Variants in RARB observed in about 807,000 individuals in gnomAD.
RARB encodes the protein retinoic acid receptor beta.
In RARB, 17 loss-of-function variants were observed where a neutral mutation model predicts 51.9. That is an observed-to-expected ratio of 0.33 (90% CI 0.22 to 0.49). The LOEUF (loss-of-function observed/expected upper bound fraction) is 0.49, where lower values mean the gene tolerates loss of function less well. RARB is among the 20% of genes least tolerant of loss of function. The pLI, the probability that RARB is intolerant of heterozygous loss-of-function variation, is 0.99. For synonymous variants in RARB, 215 were observed against 195.4 expected (o/e 1.10, Z -0.84); for missense variants, 369 against 550.8 (o/e 0.67, Z 3.30).
chr3:25,196,646 A>G (rs147461756), intron 5 of RARB, among the ~76,000 whole-genome samples: 4 of 152,214 alleles, frequency 2.6e-5, no homozygotes, highest in East Asian at 1.9e-4. Flanking sequence ...GAATCGCCAC[A>G]CTGTCTTCCA....
At chr3:25,201,364 T>C (rs1294111079) in intron 5 of RARB, among the ~76,000 whole-genome samples, 5 of 152,222 alleles carry the variant, frequency 3.3e-5, no homozygotes, top group Non-Finnish European at 7.3e-5. Context: ...TATACAATCA[T>C]GTCATCTGCA....
chr3:25,124,801 G>A (rs1311282110), intron 3 of RARB, among the ~76,000 whole-genome samples: 3 of 152,130 alleles, frequency 2.0e-5, no homozygotes, highest in Admixed American at 6.6e-5. Flanking sequence ...CATGTTTGTT[G>A]TCAGCCTAGC....
chr3:25,257,263 G>A lies in RARB; in HGVS notation c.178+82688G>A, dbSNP rs1243484176. On this transcript the variant is annotated intron_variant, in intron 5 of 11. Coordinates refer to the RARB transcript ENST00000383772. ...ACTTGGAGGAGTGTGCTCCATTCCG[G>A]GTACCACATCTTAAGGGGCATGTTG... is the stretch of plus-strand genomic sequence containing the variant. 2.0e-5 allele frequency among the ~76,000 whole-genome samples: 3 copies of A among 152,012 alleles called. No individual in the cohort carries two copies. The South Asian group carries it at 6.2e-4, about 32-fold the overall frequency.
At chr3:24,909,118 G>A (rs1050756550) in intron 2 of RARB, among the ~76,000 whole-genome samples, 2 of 152,108 alleles carry the variant, frequency 1.3e-5, no homozygotes. Flanking sequence ...GCCTTTTGGT[G>A]GAGTAGGAAA....
intron 2 of RARB, among the ~76,000 whole-genome samples, chr3:25,011,862 G>T (rs1697402221): frequency 1.3e-5 from 2 of 152,050 alleles, no homozygotes; most frequent in Admixed American, 6.6e-5. Context: ...AAGCCATGGA[G>T]TTTGTCAGAG....
chr3:24,870,876 T>G (rs1460787232), intron 2 of RARB, among the ~76,000 whole-genome samples: 1 of 152,144 alleles, frequency 6.6e-6, no homozygotes, highest in Admixed American at 6.6e-5. Context: ...GTCAACTCTT[T>G]GGGTAAAGAA....
intron 3 of RARB, among the ~76,000 whole-genome samples, chr3:25,523,339 A>C (rs1431299754): frequency 6.6e-6 from 1 of 152,198 alleles, no homozygotes; most frequent in Non-Finnish European, 1.5e-5. Context: ...AAGTGTGGGT[A>C]AGTTTTTTGG....
rs1292884293 is a variant in RARB at position 25,083,519 on chromosome 3, G to A, written c.-328+23343G>A. On this transcript the variant is annotated intron_variant, in intron 3 of 11. Coordinates refer to the RARB transcript ENST00000383772. ...CTTATAGTTTGTATTTGTCTGTTGG[G>A]GTTTGCCATTTGTTAACTCATTATG... 4.0e-5 allele frequency among the ~76,000 whole-genome samples: 6 copies of A among 151,308 alleles called. No individual in the cohort carries two copies. The East Asian group carries it at 1.2e-3, about 29-fold the overall frequency.
chr3:25,027,989 C>A (rs1278003100), intron 2 of RARB, among the ~76,000 whole-genome samples: 3 of 152,030 alleles, frequency 2.0e-5, no homozygotes, highest in Non-Finnish European at 4.4e-5. Context: ...TTTTTTCAAA[C>A]CCTTCTGTAA....
intron 2 of RARB, among the ~76,000 whole-genome samples, chr3:24,892,908 A>G (rs7644137): frequency 0.058 from 8,889 of 152,286 alleles, 500 homozygotes; most frequent in East Asian, 0.19. Flanking sequence ...TCACTGTGCT[A>G]TGATGTTGTA....
intron 2 of RARB, among the ~76,000 whole-genome samples, chr3:24,977,573 G>T (rs1325945958): frequency 6.6e-6 from 1 of 152,074 alleles, no homozygotes; most frequent in East Asian, 1.9e-4. Context: ...GTCTGTTATT[G>T]GTGTATAGGA....
At chr3:25,151,807 C>T (rs984126889) in intron 4 of RARB, among the ~76,000 whole-genome samples, 4 of 152,142 alleles carry the variant, frequency 2.6e-5, no homozygotes, top group Non-Finnish European at 4.4e-5. Flanking sequence ...TGTTTAGTTT[C>T]CCATCAGTAT....
intron 5 of RARB, among the ~76,000 whole-genome samples, chr3:25,221,868 C>T (rs1701955547): frequency 6.6e-6 from 1 of 152,106 alleles, no homozygotes; most frequent in South Asian, 2.1e-4. Flanking sequence ...TGAACATTTC[C>T]AAGTGTATAG....
At chr3:24,986,073 C>T (rs890119476) in intron 2 of RARB, among the ~76,000 whole-genome samples, 1 of 152,124 alleles carries the variant, frequency 6.6e-6, no homozygotes, top group African/African-American at 2.4e-5. Flanking sequence ...GTAAAATCAC[C>T]TAGAGTGGTG....
chr3:25,205,118 G>A (rs1385478716), intron 5 of RARB, among the ~76,000 whole-genome samples: 2 of 152,140 alleles, frequency 1.3e-5, no homozygotes, highest in Non-Finnish European at 2.9e-5. Context: ...TCAAGCCTCA[G>A]CAATGGCGGG....
At chr3:24,867,264 T>C (rs1388524403) in intron 2 of RARB, among the ~76,000 whole-genome samples, 1 of 152,114 alleles carries the variant, frequency 6.6e-6, no homozygotes, top group African/African-American at 2.4e-5. Context: ...CTATTATCAT[T>C]TAAAACTATA....
intron 1 of RARB, among the ~76,000 whole-genome samples, chr3:25,437,180 C>T (rs1379522993): frequency 6.6e-6 from 1 of 150,376 alleles, no homozygotes; most frequent in Non-Finnish European, 1.5e-5. Flanking sequence ...GAAATGATCC[C>T]TCGGTCTATA....
chr3:25,358,319 C>T (rs1559370454), intron 5 of RARB, among the ~76,000 whole-genome samples: 1 of 152,122 alleles, frequency 6.6e-6, no homozygotes, highest in African/African-American at 2.4e-5. Flanking sequence ...GTGATTTTTG[C>T]ACATTGAATT....
At chr3:25,151,291 T>A (rs1028219738) in intron 4 of RARB, among the ~76,000 whole-genome samples, 2 of 151,474 alleles carry the variant, frequency 1.3e-5, no homozygotes, top group African/African-American at 4.9e-5. Context: ...TTGCTGACTT[T>A]CTTTGCATTT....
Sources: allele counts gnomAD v4.1 joint callset (sites outside exome capture counted in the v4.1 genomes callset), GRCh38; gene constraint gnomAD v4.1.1; transcripts MANE v1.5; gene names NCBI Gene and HGNC (gene_info 2026-07-23, HGNC 2026-07-21).